BEGAIN: variants seen among roughly 807,000 people sequenced by gnomAD.
BEGAIN encodes brain enriched guanylate kinase associated, also known as brain-enriched guanylate kinase-associated protein.
In BEGAIN, 19 loss-of-function variants were observed where a neutral mutation model predicts 35.8. That is an observed-to-expected ratio of 0.53 (90% CI 0.37 to 0.78). The LOEUF (loss-of-function observed/expected upper bound fraction) is 0.78, where lower values mean the gene tolerates loss of function less well. BEGAIN is among the 30% of genes least tolerant of loss of function. The pLI is 0.00. For missense variants in BEGAIN, 795 were observed against 853.6 expected, an observed-to-expected ratio of 0.93 and a Z score of 0.85; for synonymous variants, 462 against 388.6, an observed-to-expected ratio of 1.19 and a Z score of -2.22.
At chr14:100,574,492 G>A (rs1171397795) in intron 1 of BEGAIN, among the ~76,000 whole-genome samples, 1 of 149,400 alleles carries the variant, frequency 6.7e-6, no homozygotes, top group Non-Finnish European at 1.5e-5. Context: ...CCCACCACCA[G>A]CATGTTGTAT....
At chr14:100,561,434 CTG>C (rs1394297668) in intron 2 of BEGAIN, among the ~76,000 whole-genome samples, 1 of 152,194 alleles carries the variant, frequency 6.6e-6, no homozygotes, top group African/African-American at 2.4e-5. Context: ...AGATGTGGCA[CTG>C]AGAGTCAGAA....
chr14:100,540,603 G>A, intron 5 of BEGAIN, 24 bp from the exon 6 acceptor site: 1 of 1,565,600 alleles, frequency 6.4e-7, no homozygotes. Flanking sequence ...GAAGGCGTTT[G>A]GCGCCATTCA....
Position 100,546,669 on chromosome 14 carries a change from C to T in BEGAIN, c.72-7G>A, listed in dbSNP as rs764552629. On this transcript the variant is annotated splice_polypyrimidine_tract_variant and splice_region_variant and intron_variant, in intron 2 of 6. Coordinates refer to ENST00000554140, the MANE Select transcript of BEGAIN (RefSeq NM_001385089.1). ...CTTCTGCTCCTGCAGCGCGCTGCAACGACATGGCGGCGGCGGGCCGGGCCG... is the reference window on the plus strand; with the variant it reads ...CTTCTGCTCCTGCAGCGCGCTGCAATGACATGGCGGCGGCGGGCCGGGCCG... 2.6e-6 allele frequency: 4 copies of T among 1,553,620 alleles called. No homozygotes were observed. Among genetic ancestry groups the T allele is most frequent in the Admixed American group, 3.7e-5 (2 of 53,640 alleles).
At chr14:100,578,057 C>T (rs1452094410) in intron 1 of BEGAIN, 2 of 398,204 alleles carry the variant, frequency 5.0e-6, no homozygotes, top group Non-Finnish European at 4.4e-6. Flanking sequence ...CTGTGCCTCC[C>T]GTCCTCACAG....
Position 100,539,245 on chromosome 14 carries a change from A to G in BEGAIN, c.563T>C (p.Leu188Pro), listed in dbSNP as rs1354573876. Residue 188 changes from leucine (L) to proline (P), a missense_variant, in exon 7 of 7, where the codon CTC becomes CCC. Coordinates refer to ENST00000554140, the MANE Select transcript of BEGAIN (RefSeq NM_001385089.1). ...EKHGCSLPSP[L>P]CHPAYADSVP... ...GCTGTCGGCGTAGGCCGGGTGGCAG[A>G]GCGGGGATGGCAGGCTGCAGCCGTG... The G allele has an allele frequency of 1.3e-6, 2 of 1,588,770 alleles. No homozygotes were observed. The highest frequency in any genetic ancestry group is 4.5e-5 in the East Asian group (2 of 44,576).
At chr14:100,561,141 G>A (rs1311872336) in intron 2 of BEGAIN, among the ~76,000 whole-genome samples, 4 of 152,136 alleles carry the variant, frequency 2.6e-5, no homozygotes, top group Non-Finnish European at 4.4e-5. Context: ...CCCAACCATC[G>A]ACGGCCCCTG....
intron 2 of BEGAIN, among the ~76,000 whole-genome samples, chr14:100,564,326 C>G (rs770168601): frequency 6.6e-6 from 1 of 152,078 alleles, no homozygotes; most frequent in Non-Finnish European, 1.5e-5. Flanking sequence ...GGACACCAAA[C>G]AGGAGTAGCT....
chr14:100,571,262 A>G (rs7493050), intron 1 of BEGAIN, among the ~76,000 whole-genome samples: 85,604 of 152,114 alleles, frequency 0.56, 27,551 homozygotes, highest in African/African-American at 0.89. Flanking sequence ...GTTGGCCACT[A>G]GCCCCTGCTC....
chr14:100,537,838 CG>C lies in BEGAIN; in HGVS notation c.*130del, dbSNP rs2030781798. On this transcript the variant is annotated 3_prime_UTR_variant, in exon 7 of 7. Transcript: ENST00000554140. ...ACAGGGCTGGGGAGGAGAGGAGGTG[CG>C]GGGAGGAACAGACTCCTCGTTGTTG... 2 of 1,331,590 alleles carry C rather than the reference CG, an allele frequency of 1.5e-6. No individual in the cohort carries two copies. Among genetic ancestry groups the C allele is most frequent in the Non-Finnish European group, 2.0e-6 (2 of 1,014,736 alleles). 82.5% of individuals were successfully genotyped at this position (1,331,590 alleles called of 1,614,324 possible). A position where few individuals can be genotyped will look rare whatever the true frequency, so the allele number is the denominator to read the frequency against.
chr14:100,560,034 G>C (rs767961895), intron 2 of BEGAIN, among the ~76,000 whole-genome samples: 5 of 152,202 alleles, frequency 3.3e-5, no homozygotes, highest in Admixed American at 2.0e-4. Flanking sequence ...CACCAGCCGC[G>C]GGGGGCTGAG....
intron 2 of BEGAIN, among the ~76,000 whole-genome samples, chr14:100,560,115 A>G (rs967150015): frequency 2.0e-5 from 3 of 152,104 alleles, no homozygotes; most frequent in Non-Finnish European, 1.5e-5. Flanking sequence ...GCAGGCCCCA[A>G]CCTCAGCAGT....
chr14:100,586,284 C>A lies in BEGAIN; in HGVS notation c.42+965G>T, dbSNP rs538071567. Reference sequence around the variant, plus strand: ...AGAGCCAGAGCACTGGGGCCTCCGACGGAGCCTGGCTGTGGAGACCCCGCC... The same window carrying A: ...AGAGCCAGAGCACTGGGGCCTCCGAAGGAGCCTGGCTGTGGAGACCCCGCC... On this transcript the variant is annotated intron_variant, in intron 1 of 6. Coordinates refer to ENST00000554140, the MANE Select transcript of BEGAIN (RefSeq NM_001385089.1). This position sits in a 1 kb window ranked among gnomAD's most constrained non-coding sequence, Gnocchi z 4.9. 3.9e-4 allele frequency among the ~76,000 whole-genome samples: 60 copies of A among 152,328 alleles called. No individual in the cohort carries two copies. The highest frequency in any genetic ancestry group is 1.4e-3 in the African/African-American group (60 of 41,574).
chr14:100,577,784 C>T (rs1424808527), intron 1 of BEGAIN: 1 of 399,106 alleles, frequency 2.5e-6, no homozygotes, highest in African/African-American at 2.1e-5. Context: ...GATGCTTTGC[C>T]CTTGGGGTTC....
chr14:100,585,830 T>C (rs1257393482), intron 1 of BEGAIN, among the ~76,000 whole-genome samples: 2 of 152,176 alleles, frequency 1.3e-5, no homozygotes, highest in African/African-American at 2.4e-5. Flanking sequence ...ACGCGGAGCC[T>C]TGGAATCTAT....
chr14:100,553,908 G>A (rs2033450277), intron 2 of BEGAIN, among the ~76,000 whole-genome samples: 1 of 152,166 alleles, frequency 6.6e-6, no homozygotes, highest in African/African-American at 2.4e-5. Flanking sequence ...TGCCCTACAA[G>A]TCTTGGTGCA....
chr14:100,568,693 G>C lies in BEGAIN; in HGVS notation c.43-754C>G, dbSNP rs2034934490. Among the ~76,000 whole-genome samples the C allele has an allele frequency of 6.6e-6, 1 of 151,756 alleles. No homozygotes were observed. Among genetic ancestry groups the C allele is most frequent in the Non-Finnish European group, 1.5e-5 (1 of 67,894 alleles). On this transcript the variant is annotated intron_variant, in intron 1 of 6. Coordinates refer to ENST00000554140, the MANE Select transcript of BEGAIN (RefSeq NM_001385089.1). The surrounding 1 kb of genome is among the most constrained non-coding windows in gnomAD (Gnocchi z 7.5). ...GCGCGCCGGGCAGGGGGACCCACCC[G>C]CCGCCGTTAACCTTGTGGGCGCGGG...
chr14:100,542,823 T>C (rs928004825), intron 5 of BEGAIN, among the ~76,000 whole-genome samples: 1 of 152,254 alleles, frequency 6.6e-6, no homozygotes, highest in Non-Finnish European at 1.5e-5. Flanking sequence ...GTTTCCAGCA[T>C]GGCAGCCACG....
intron 2 of BEGAIN, among the ~76,000 whole-genome samples, chr14:100,550,079 C>T (rs1226361422): frequency 2.0e-5 from 3 of 152,132 alleles, no homozygotes; most frequent in South Asian, 2.1e-4. Context: ...TGTGCGTGTG[C>T]GTGCGCACGT....
In BEGAIN at chr14:100,558,988, G is replaced by A. The variant is rs377286507; in HGVS notation, c.71+8923C>T. Among the ~76,000 whole-genome samples the A allele has an allele frequency of 3.3e-3, 506 of 152,284 alleles. 1 individual carries two copies. Among genetic ancestry groups the A allele is most frequent in the African/African-American group, 0.012 (493 of 41,564 alleles). ...GGAGCCTGGGGCCTGGGGGTTGTTG[G>A]GGGGAGCAGACAAGGGGTGGGCCTG... is the stretch of plus-strand genomic sequence containing the variant. On this transcript the variant is annotated intron_variant, in intron 2 of 6. Coordinates refer to ENST00000554140, the MANE Select transcript of BEGAIN (RefSeq NM_001385089.1). This position sits in a 1 kb window ranked among gnomAD's most constrained non-coding sequence, Gnocchi z 4.6.
Sources: gnomAD v4.1 joint callset for allele counts (sites outside exome capture counted in the v4.1 genomes callset) on GRCh38, gnomAD v4.1.1 for gene constraint, Gnocchi (gnomAD v3.1) non-coding constraint, MANE v1.5 for transcripts, NCBI Gene and HGNC (gene_info 2026-07-23, HGNC 2026-07-21) for gene names.